PSD3: variants seen among roughly 807,000 people sequenced by gnomAD.
The protein encoded by PSD3 is pleckstrin and Sec7 domain containing 3.
PSD3 carries 49 observed loss-of-function variants against 105.5 expected under a neutral mutation model. The ratio of observed to expected loss-of-function variants is 0.46; its 90% CI spans 0.37 to 0.59. The LOEUF (loss-of-function observed/expected upper bound fraction) is 0.59, where lower values mean the gene tolerates loss of function less well. Among genes scored for constraint, PSD3 ranks in the 20% least tolerant of loss-of-function variants. The pLI is 0.00. For missense variants in PSD3, 1,561 were observed against 1,263.8 expected (o/e 1.24, Z -3.57); for synonymous variants, 557 against 457.8 (o/e 1.22, Z -2.77).
intron 1 of PSD3, among the ~76,000 whole-genome samples, chr8:19,031,632 T>C (rs1315454318): frequency 6.6e-6 from 1 of 152,184 alleles, no homozygotes; most frequent in African/African-American, 2.4e-5. Flanking sequence ...AAAGGCTCTC[T>C]AATAAGGAGA....
intron 1 of PSD3, among the ~76,000 whole-genome samples, chr8:19,055,073 C>T (rs983881433): frequency 6.6e-6 from 1 of 152,178 alleles, no homozygotes; most frequent in Non-Finnish European, 1.5e-5. Context: ...GATTCCTCTA[C>T]TTGATCTCTC....
At chr8:18,836,863 G>A (rs1317045097) in intron 4 of PSD3, among the ~76,000 whole-genome samples, 1 of 151,538 alleles carries the variant, frequency 6.6e-6, no homozygotes, top group Non-Finnish European at 1.5e-5. Flanking sequence ...CAATATTTTT[G>A]ATCCACAGTT....
chr8:18,915,903 C>G (rs963408973), intron 2 of PSD3, among the ~76,000 whole-genome samples: 5 of 151,974 alleles, frequency 3.3e-5, no homozygotes, highest in African/African-American at 1.2e-4. Flanking sequence ...AGAGACCAGC[C>G]TGACCAACAT....
rs1386191349 is a variant in PSD3, at chr8:18,532,174, C to A, written c.*3569G>T. ...GCCCTGCCTCTCATCCTTCCCAGAT[C>A]TTTACATGATAGAGGGAGCAATAGG... On this transcript the variant is annotated 3_prime_UTR_variant, in exon 16 of 16. Coordinates refer to ENST00000327040, the MANE Select transcript of PSD3 (RefSeq NM_015310.4). 3 of 152,206 alleles carry A rather than the reference C, an allele frequency of 2.0e-5. No homozygotes were observed. The highest frequency in any genetic ancestry group is 4.8e-5 in the African/African-American group (2 of 41,444). The allele number at this position is 152,206 out of a possible 1,614,324, so 9.4% of individuals were successfully genotyped here. A position where few individuals can be genotyped will look rare whatever the true frequency, so the allele number is the denominator to read the frequency against.
intron 1 of PSD3, among the ~76,000 whole-genome samples, chr8:18,941,427 G>A (rs201071719): frequency 8.3e-5 from 7 of 83,940 alleles, no homozygotes; most frequent in African/African-American, 3.4e-4. Flanking sequence ...ACTTCACTAC[G>A]GGAGCAGTAA....
In PSD3 at chr8:19,005,427, G is replaced by T. The variant is rs1586615802; in HGVS notation, c.21+8136C>A. Among the ~76,000 whole-genome samples the T allele has an allele frequency of 2.0e-5, 3 of 152,108 alleles. No homozygotes were observed. The East Asian group carries it at 5.8e-4, about 29-fold the overall frequency. On this transcript the variant is annotated intron_variant, in intron 1 of 15. Transcript: ENST00000327040. ...AAATAGATTAGTGGTTGCCTGTGATGAGGGATAGGAGCAATGGGGAGAGGT... is the reference window on the plus strand; with the variant it reads ...AAATAGATTAGTGGTTGCCTGTGATTAGGGATAGGAGCAATGGGGAGAGGT...
rs12675682 is a variant in PSD3 at position 19,034,324 on chromosome 8, C to T, written c.324+49882G>A. ...GAAAAGGTTAAAGGATTAAACTAGA[C>T]GTCCTTTCTCCCTTCCTTCTGCAAA... On this transcript the variant is annotated intron_variant, in intron 1 of 1. Coordinates refer to the PSD3 transcript ENST00000521475. 3.8e-3 allele frequency among the ~76,000 whole-genome samples: 584 copies of T among 152,258 alleles called. 12 individuals carry two copies. In the East Asian group the frequency reaches 0.049, roughly 13 times the overall value.
intron 9 of PSD3, among the ~76,000 whole-genome samples, chr8:18,713,847 A>T (rs1198443245): frequency 1.3e-5 from 2 of 152,232 alleles, no homozygotes; most frequent in African/African-American, 4.8e-5. Flanking sequence ...AAAAGAACAA[A>T]CCTGGAGAAA....
At chr8:18,989,635 A>G (rs1294746387) in intron 1 of PSD3, among the ~76,000 whole-genome samples, 1 of 152,228 alleles carries the variant, frequency 6.6e-6, no homozygotes, top group Non-Finnish European at 1.5e-5. Context: ...TTCTATGCTC[A>G]TAGTACCTTC....
At chr8:18,811,496 C>A (rs2638657) in intron 4 of PSD3, among the ~76,000 whole-genome samples, 27,038 of 151,956 alleles carry the variant, frequency 0.18, 2,528 homozygotes, top group South Asian at 0.28. Context: ...TAAGTAAATT[C>A]TACATATTAG....
chr8:18,803,001 T>A (rs556299593), intron 6 of PSD3, among the ~76,000 whole-genome samples: 52 of 152,270 alleles, frequency 3.4e-4, no homozygotes, highest in African/African-American at 1.2e-3. Flanking sequence ...AAAAGGCTAT[T>A]GGGGCTAGGT....
intron 4 of PSD3, among the ~76,000 whole-genome samples, chr8:18,814,014 G>A (rs926560019): frequency 2.0e-5 from 3 of 152,158 alleles, no homozygotes; most frequent in Non-Finnish European, 4.4e-5. Flanking sequence ...GTTAGTTAGC[G>A]CTCAGTAGGA....
Position 18,530,989 on chromosome 8 carries a change from T to C in PSD3, c.*4754A>G, listed in dbSNP as rs1799610459. The C allele has an allele frequency of 6.6e-6, 1 of 152,222 alleles. No individual in the cohort carries two copies. The highest frequency in any genetic ancestry group is 2.1e-4 in the South Asian group (1 of 4,838). 9.4% of individuals were successfully genotyped at this position (152,222 alleles called of 1,614,324 possible). ...TCACACTGATTAAGGACAAAAATAA[T>C]TTTGATGTACATGTACCATACACTG... On this transcript the variant is annotated 3_prime_UTR_variant, in exon 16 of 16. Coordinates refer to ENST00000327040, the MANE Select transcript of PSD3 (RefSeq NM_015310.4).
chr8:18,797,687 C>A (rs1244870730), intron 8 of PSD3, among the ~76,000 whole-genome samples: 1 of 152,252 alleles, frequency 6.6e-6, no homozygotes, highest in Non-Finnish European at 1.5e-5. Context: ...TTTAAAAATG[C>A]AATCTAGGAT....
At chr8:19,066,877 G>T (rs943307277) in intron 1 of PSD3, among the ~76,000 whole-genome samples, 2 of 152,162 alleles carry the variant, frequency 1.3e-5, no homozygotes, top group East Asian at 1.9e-4. Context: ...ACCAGGCTGG[G>T]TGCCCCAATT....
In PSD3 at chr8:18,683,435, G is replaced by A. The variant is rs114327050; in HGVS notation, c.2173-27750C>T. On this transcript the variant is annotated intron_variant, in intron 9 of 15. Coordinates refer to ENST00000327040, the MANE Select transcript of PSD3 (RefSeq NM_015310.4). ...ATTCCTGATGTTCTAAAAATACTCC[G>A]CACTGAAAAATCATTTGTCAAGGCA... Among the ~76,000 whole-genome samples, 503 of 152,266 alleles carry A rather than the reference G, an allele frequency of 3.3e-3. 1 individual carries two copies. The highest frequency in any genetic ancestry group is 0.012 in the African/African-American group (488 of 41,554).
intron 9 of PSD3, among the ~76,000 whole-genome samples, chr8:18,746,383 C>T (rs1180646825): frequency 1.3e-5 from 2 of 152,066 alleles, no homozygotes; most frequent in African/African-American, 4.8e-5. Flanking sequence ...CTCCATCCTC[C>T]TCACCCTTCC....
chr8:18,905,821 G>A (rs2129462231), intron 2 of PSD3, among the ~76,000 whole-genome samples: 1 of 152,058 alleles, frequency 6.6e-6, no homozygotes. Context: ...CACGAATATA[G>A]GCCTAAAATA....
rs1802829898 is a variant in PSD3 at position 18,581,700 on chromosome 8, T to A, written c.2482-6415A>T. 2.6e-5 allele frequency among the ~76,000 whole-genome samples: 4 copies of A among 152,200 alleles called. No homozygotes were observed. The South Asian group carries it at 8.3e-4, about 32-fold the overall frequency. Reference sequence around the variant, plus strand: ...AACTGGTGCTTTTTCACCAGGTGATTTTAAGAGTCCACTAGCCATTCATTG... The same window carrying A: ...AACTGGTGCTTTTTCACCAGGTGATATTAAGAGTCCACTAGCCATTCATTG... On this transcript the variant is annotated intron_variant, in intron 12 of 15. Transcript: ENST00000327040.
Sources: gnomAD v4.1 joint callset for allele counts (sites outside exome capture counted in the v4.1 genomes callset) on GRCh38, gnomAD v4.1.1 for gene constraint, MANE v1.5 for transcripts, NCBI Gene and HGNC (gene_info 2026-07-23, HGNC 2026-07-21) for gene names.